The following CHMP7 variants were observed in gnomAD, a reference collection of about 807,000 sequenced individuals.
The protein encoded by CHMP7 is CHMP family, member 7.
In CHMP7, 15 loss-of-function variants were observed where a neutral mutation model predicts 53.7. The observed-to-expected ratio is 0.28, with a 90% confidence interval of 0.19 to 0.43. The LOEUF (loss-of-function observed/expected upper bound fraction) is 0.43. Ranked by LOEUF, CHMP7 falls within the 20% of genes least tolerant of loss-of-function variation. The pLI, the probability that CHMP7 is intolerant of heterozygous loss-of-function variation, is 1.00. For synonymous variants in CHMP7, 261 were observed against 228.0 expected, an observed-to-expected ratio of 1.14 and a Z score of -1.30; for missense variants, 527 against 569.4, an observed-to-expected ratio of 0.93 and a Z score of 0.76.
rs369322622 is a variant in CHMP7, at chr8:23,246,686, T to G, written c.-10T>G. 5 of 1,545,874 alleles carry G rather than the reference T, an allele frequency of 3.2e-6. No homozygotes were observed. In the East Asian group the frequency reaches 1.2e-4, roughly 38 times the overall value. ...CTTGTGTTCGCAGCCTTGCCGGGGC[T>G]GGGGTTCCGATGTGGTCCCCGGAGC... On this transcript the variant is annotated 5_prime_UTR_variant, in exon 2 of 11. Coordinates refer to ENST00000397677, the MANE Select transcript of CHMP7 (RefSeq NM_152272.5).
Position 23,260,136 on chromosome 8 carries a change from C to T in CHMP7, c.1121-8C>T, listed in dbSNP as rs1802324431. 1 of 1,612,566 alleles carries T rather than the reference C, an allele frequency of 6.2e-7. No homozygotes were observed. The highest frequency in any genetic ancestry group is 1.3e-5 in the African/African-American group (1 of 74,986). On this transcript the variant is annotated splice_region_variant and splice_polypyrimidine_tract_variant and intron_variant, in intron 9 of 10. Coordinates refer to ENST00000397677, the MANE Select transcript of CHMP7 (RefSeq NM_152272.5). ...TTTATGCATCTTTATGTTGTCTTTT[C>T]TTTCCAGATTTTGACAGTGAAGAAC...
chr8:23,249,694 C>G lies in CHMP7; in HGVS notation c.471+313C>G, dbSNP rs537178343. ...TTCTGTAGTTTACTGACAAGAGTTT[C>G]TCAGGATTCCTGAGGACCTTGTGGC... is the stretch of plus-strand genomic sequence containing the variant. On this transcript the variant is annotated intron_variant, in intron 3 of 10. Transcript: ENST00000397677. Among the ~76,000 whole-genome samples the G allele has an allele frequency of 4.8e-4, 73 of 152,334 alleles. 1 individual carries two copies. The highest frequency in any genetic ancestry group is 1.8e-3 in the African/African-American group (73 of 41,564).
intron 3 of CHMP7, chr8:23,252,293 C>T (rs1801964725): frequency 6.7e-6 from 1 of 148,604 alleles, no homozygotes. Context: ...TCACGCCATT[C>T]TCCTGCTTCA....
At chr8:23,258,299 T>C in intron 6 of CHMP7, 31 bp from the exon 7 acceptor site, 1 of 1,614,082 alleles carries the variant, frequency 6.2e-7, no homozygotes, top group Non-Finnish European at 8.5e-7. Flanking sequence ...CTCGCCCAGT[T>C]CAGCACTGAC....
At chr8:23,248,008 A>G (rs1032850116) in intron 2 of CHMP7, 5 of 453,306 alleles carry the variant, frequency 1.1e-5, no homozygotes, top group African/African-American at 6.0e-5. Flanking sequence ...TGGACTGGAC[A>G]TTGATATTGC....
At position 23,246,732 on chromosome 8, in the gene CHMP7, G is replaced by T. The variant is rs1477163149; in HGVS notation, c.37G>T (p.Gly13Trp). ...SPEREAEAPA[G>W]GDPAGLLPPE... ...GGAGCGGGAGGCCGAGGCCCCAGCC[G>T]GGGGAGACCCGGCGGGCCTTCTGCC... is the stretch of plus-strand genomic sequence containing the variant. Residue 13 changes from glycine (G) to tryptophan (W), a missense_variant, in exon 2 of 11, where the codon GGG (glycine) becomes TGG (tryptophan). Gly to Trp is a radical substitution (Grantham distance 184, BLOSUM62 -2). Coordinates refer to ENST00000397677, the MANE Select transcript of CHMP7 (RefSeq NM_152272.5). The T allele has an allele frequency of 3.2e-6, 5 of 1,550,816 alleles. No homozygotes were observed. Among genetic ancestry groups the T allele is most frequent in the Non-Finnish European group, 4.4e-6 (5 of 1,147,546 alleles).
At chr8:23,259,919 G>T in intron 9 of CHMP7, 1 of 520,316 alleles carries the variant, frequency 1.9e-6, no homozygotes. Flanking sequence ...TCAGGGTCAG[G>T]TCCATGGTGT....
At chr8:23,250,831 C>G (rs899667424) in intron 3 of CHMP7, among the ~76,000 whole-genome samples, 2 of 152,198 alleles carry the variant, frequency 1.3e-5, no homozygotes, top group Admixed American at 1.3e-4. Flanking sequence ...CATTTCTCCT[C>G]ACCTTGAGAG....
At chr8:23,257,608 GGA>G (rs1360673023) in intron 5 of CHMP7, among the ~76,000 whole-genome samples, 1 of 152,186 alleles carries the variant, frequency 6.6e-6, no homozygotes, top group African/African-American at 2.4e-5. Flanking sequence ...GACTGTACAA[GGA>G]ATCCCTAATA....
At chr8:23,244,660 T>C (rs557142176) in intron 1 of CHMP7, among the ~76,000 whole-genome samples, 18 of 152,338 alleles carry the variant, frequency 1.2e-4, no homozygotes, top group African/African-American at 4.1e-4. Flanking sequence ...ATTAGTTTGT[T>C]GATATCCACA....
At chr8:23,255,144 G>T (rs1219128291) in intron 3 of CHMP7, 103 bp from the exon 4 acceptor site, 2 of 1,176,160 alleles carry the variant, frequency 1.7e-6, no homozygotes, top group Admixed American at 1.9e-5. Context: ...TGGGATTCCC[G>T]GGTGCTTGCC....
In CHMP7 at chr8:23,246,637, G is replaced by A. The variant is rs1318135156; in HGVS notation, c.-59G>A. 2 of 1,433,002 alleles carry A rather than the reference G, an allele frequency of 1.4e-6. No individual in the cohort carries two copies. The highest frequency in any genetic ancestry group is 1.9e-6 in the Non-Finnish European group (2 of 1,060,908). The allele number at this position is 1,433,002 out of a possible 1,614,324, so 88.8% of individuals were successfully genotyped here. On this transcript the variant is annotated 5_prime_UTR_variant, in exon 2 of 11. Coordinates refer to ENST00000397677, the MANE Select transcript of CHMP7 (RefSeq NM_152272.5). ...AGGAACGGAAGCCGGGAGGGAACGA[G>A]GGCGGAAGCGGACCAGGGCCAGGCT... is the stretch of plus-strand genomic sequence containing the variant.
At chr8:23,249,462 A>C (rs1801836561) in intron 3 of CHMP7, 81 bp downstream of exon 3, 3 of 1,151,316 alleles carry the variant, frequency 2.6e-6, no homozygotes, top group Non-Finnish European at 3.6e-6. Context: ...CGTTCTTGAA[A>C]AAAGACCGTC....
At chr8:23,256,656 T>C (rs1802138733) in intron 5 of CHMP7, 63 bp downstream of exon 5, 1 of 1,467,038 alleles carries the variant, frequency 6.8e-7, no homozygotes, top group Admixed American at 2.0e-5. Context: ...GCCAGCAAAA[T>C]GTTAGTATAT....
At chr8:23,250,663 T>C (rs1801890359) in intron 3 of CHMP7, among the ~76,000 whole-genome samples, 1 of 123,918 alleles carries the variant, frequency 8.1e-6, no homozygotes, top group Admixed American at 8.7e-5. Flanking sequence ...TGTGTGTGTG[T>C]GTTGACTGAG....
intron 1 of CHMP7, among the ~76,000 whole-genome samples, chr8:23,244,404 C>G (rs934898628): frequency 1.3e-5 from 2 of 152,184 alleles, no homozygotes; most frequent in Non-Finnish European, 1.5e-5. Flanking sequence ...TGAAAAGACT[C>G]TTTGAACCAT....
intron 3 of CHMP7, 51 bp downstream of exon 3, chr8:23,249,432 T>C (rs752497671): frequency 7.1e-7 from 1 of 1,412,232 alleles, no homozygotes; most frequent in Admixed American, 2.4e-5. Flanking sequence ...GATCACAGCA[T>C]CCTCCACGTC....
At chr8:23,245,462 G>A (rs1328885820) in intron 1 of CHMP7, among the ~76,000 whole-genome samples, 1 of 152,216 alleles carries the variant, frequency 6.6e-6, no homozygotes, top group African/African-American at 2.4e-5. Context: ...TTGCCTAGCT[G>A]TAATAAATTC....
chr8:23,259,040 C>A, intron 8 of CHMP7, 26 bp from the exon 9 acceptor site: 1 of 1,543,634 alleles, frequency 6.5e-7, no homozygotes, highest in Non-Finnish European at 9.0e-7. Context: ...ATGCCCAGCT[C>A]AAGGCTTTGC....
Sources: gnomAD v4.1 joint callset for allele counts (sites outside exome capture counted in the v4.1 genomes callset) on GRCh38, gnomAD v4.1.1 for gene constraint, MANE v1.5 for transcripts, NCBI Gene and HGNC (gene_info 2026-07-23, HGNC 2026-07-21) for gene names.